TLN2: variants seen among roughly 807,000 people sequenced by gnomAD.
The protein encoded by TLN2 is talin-2.
A neutral mutation model predicts 294.7 loss-of-function variants in TLN2; 118 were observed. The observed-to-expected ratio is 0.40, with a 90% CI of 0.34 to 0.47. TLN2 has a LOEUF of 0.47. TLN2 is among the 20% of genes least tolerant of loss of function. The probability of loss-of-function intolerance (pLI) is 0.84; values close to 1 mark genes in which losing one functional copy is unlikely to be tolerated. For synonymous variants in TLN2, 1,431 were observed against 1,304.5 expected (o/e 1.10, Z -2.09); for missense variants, 3,083 against 3,282.2 (o/e 0.94, Z 1.48).
chr15:62,833,835 T>G (rs1167731358), intron 55 of TLN2: 2 of 579,518 alleles, frequency 3.5e-6, no homozygotes, highest in South Asian at 3.9e-5. Flanking sequence ...GCCTCTCATC[T>G]GCTTCTTGTT....
At chr15:62,610,296 C>A (rs12591920) in intron 2 of TLN2, among the ~76,000 whole-genome samples, 48,410 of 152,138 alleles carry the variant, frequency 0.32, 8,115 homozygotes, top group East Asian at 0.57. Context: ...TGAATTAGCA[C>A]ATAGCTCCTA....
chr15:62,429,291 C>G (rs1213880365), intron 1 of TLN2, among the ~76,000 whole-genome samples: 1 of 152,254 alleles, frequency 6.6e-6, no homozygotes, highest in East Asian at 1.9e-4. Flanking sequence ...GTTTGCTGTT[C>G]TGGGAAGCCA....
intron 32 of TLN2, among the ~76,000 whole-genome samples, chr15:62,746,919 C>G (rs9302230): frequency 6.6e-6 from 1 of 151,936 alleles, no homozygotes; most frequent in African/African-American, 2.4e-5. Flanking sequence ...TTATAAAATG[C>G]GTGGGTTTTC....
chr15:62,816,564 C>G (rs995477975), intron 52 of TLN2, among the ~76,000 whole-genome samples: 1 of 152,194 alleles, frequency 6.6e-6, no homozygotes, highest in Non-Finnish European at 1.5e-5. Context: ...TTGTACACTT[C>G]TCACTGAAGG....
Position 62,819,819 on chromosome 15 carries a change from T to G in TLN2, c.6877+198T>G, listed in dbSNP as rs1596116163. ...AACATCCTCCCTGAAGCAAGTCTTTTCTCTAGTCTTTGTATTAAGTGCTTC... is the reference window on the plus strand; with the variant it reads ...AACATCCTCCCTGAAGCAAGTCTTTGCTCTAGTCTTTGTATTAAGTGCTTC... On this transcript the variant is annotated intron_variant, in intron 53 of 58. Transcript: ENST00000636159. Among the ~76,000 whole-genome samples, 4 of 152,352 alleles carry G rather than the reference T, an allele frequency of 2.6e-5. No homozygotes were observed. The South Asian group carries it at 8.3e-4, about 32-fold the overall frequency.
intron 45 of TLN2, among the ~76,000 whole-genome samples, chr15:62,788,840 C>T (rs2064880981): frequency 1.3e-5 from 2 of 152,174 alleles, no homozygotes; most frequent in Admixed American, 1.3e-4. Context: ...TGAGATTTTC[C>T]ACATGTACCT....
intron 1 of TLN2, among the ~76,000 whole-genome samples, chr15:62,578,260 G>A (rs1176003149): frequency 6.6e-6 from 1 of 152,164 alleles, no homozygotes; most frequent in Non-Finnish European, 1.5e-5. Flanking sequence ...AGAACCACCA[G>A]GAACTGGAAA....
chr15:62,606,022 ATAGTGC>A (rs1230456864), intron 2 of TLN2, among the ~76,000 whole-genome samples: 1 of 152,198 alleles, frequency 6.6e-6, no homozygotes, highest in East Asian at 1.9e-4. Flanking sequence ...GTGTTAGTCG[ATAGTGC>A]TAGTGATGAC....
At chr15:62,502,589 T>C (rs2039367202) in intron 1 of TLN2, among the ~76,000 whole-genome samples, 1 of 152,194 alleles carries the variant, frequency 6.6e-6, no homozygotes. Context: ...TCATCTGTAC[T>C]CTTGATTCCA....
intron 1 of TLN2, among the ~76,000 whole-genome samples, chr15:62,551,845 T>A (rs866523782): frequency 9.8e-5 from 15 of 152,354 alleles, no homozygotes; most frequent in Middle Eastern, 3.4e-3. Flanking sequence ...TTGCATTGAA[T>A]TCATTAGTTA....
intron 52 of TLN2, among the ~76,000 whole-genome samples, chr15:62,810,698 C>G (rs553907555): frequency 6.6e-6 from 1 of 152,238 alleles, no homozygotes; most frequent in East Asian, 1.9e-4. Context: ...AAGGACCAAA[C>G]CACGGAGCAC....
chr15:62,690,225 CGGGCGG>C, intron 12 of TLN2: 1 of 159,862 alleles, frequency 6.3e-6, no homozygotes, highest in East Asian at 1.9e-4. Flanking sequence ...GGGTGGCTGC[CGGGCGG>C]AGAGGCTCCT....
chr15:62,447,066 G>T (rs1265869835), intron 1 of TLN2, among the ~76,000 whole-genome samples: 1 of 152,152 alleles, frequency 6.6e-6, no homozygotes, highest in Admixed American at 6.5e-5. Context: ...TTTGTTAAAG[G>T]CTTCTTGGGG....
intron 54 of TLN2, among the ~76,000 whole-genome samples, chr15:62,825,189 G>T (rs2067941627): frequency 6.6e-6 from 1 of 152,170 alleles, no homozygotes; most frequent in East Asian, 1.9e-4. Flanking sequence ...TCAAGATGCT[G>T]CCCCAATCAG....
At chr15:62,839,575 GGAGT>G (rs1373054385) in intron 58 of TLN2, among the ~76,000 whole-genome samples, 1 of 152,200 alleles carries the variant, frequency 6.6e-6, no homozygotes, top group Non-Finnish European at 1.5e-5. Flanking sequence ...CTCACGCATG[GGAGT>G]GAGGAGAAAG....
At chr15:62,732,970 C>G (rs965000915) in intron 28 of TLN2, among the ~76,000 whole-genome samples, 2 of 152,088 alleles carry the variant, frequency 1.3e-5, no homozygotes, top group African/African-American at 4.8e-5. Context: ...AAATCTTTGG[C>G]TCTGAAACTC....
chr15:62,482,405 C>G (rs1317602934), intron 1 of TLN2, among the ~76,000 whole-genome samples: 2 of 151,146 alleles, frequency 1.3e-5, no homozygotes, highest in African/African-American at 4.9e-5. Flanking sequence ...GAGTTTGAGA[C>G]CAGCCTGACC....
chr15:62,809,802 T>A (rs1390561346), intron 51 of TLN2, 123 bp from the exon 52 acceptor site: 1 of 811,162 alleles, frequency 1.2e-6, no homozygotes, highest in Non-Finnish European at 2.1e-6. Flanking sequence ...ATACCTCTTC[T>A]GTCCAGGGAG....
At chr15:62,441,498 A>G (rs1469800631) in intron 1 of TLN2, among the ~76,000 whole-genome samples, 3 of 152,114 alleles carry the variant, frequency 2.0e-5, no homozygotes, top group East Asian at 1.9e-4. Flanking sequence ...ATTATTTCCT[A>G]CTCTCTTTCA....
Sources: allele counts gnomAD v4.1 joint callset (sites outside exome capture counted in the v4.1 genomes callset), GRCh38; gene constraint gnomAD v4.1.1; transcripts MANE v1.5; gene names NCBI Gene and HGNC (gene_info 2026-07-23, HGNC 2026-07-21).